The following P2RY8 variants were observed in gnomAD, a reference collection of about 807,000 sequenced individuals.
The protein encoded by P2RY8 is S-geranylgeranyl-glutathione receptor P2RY8.
In P2RY8, 6 loss-of-function variants were observed where a neutral mutation model predicts 10.0. That is an observed-to-expected ratio of 0.60 (90% CI 0.33 to 1.19). The LOEUF (loss-of-function observed/expected upper bound fraction) is 1.19, where lower values mean the gene tolerates loss of function less well. Ranked by LOEUF, P2RY8 falls within the 50% of genes most tolerant of loss-of-function variation. The pLI, the probability that P2RY8 is intolerant of heterozygous loss-of-function variation, is 0.04. For missense variants in P2RY8, 456 were observed against 542.0 expected (o/e 0.84, Z 1.58); for synonymous variants, 276 against 252.5 (o/e 1.09, Z -0.88).
intron 1 of P2RY8, among the ~76,000 whole-genome samples, chrX:1,472,367 G>T (rs2091798688): frequency 6.6e-6 from 1 of 150,824 alleles, no homozygotes; most frequent in South Asian, 2.1e-4. Flanking sequence ...TGAATAAATG[G>T]ATGGATGGGT....
intron 1 of P2RY8, among the ~76,000 whole-genome samples, chrX:1,525,964 TATTCACTCACCC>T: frequency 6.6e-6 from 1 of 151,606 alleles, no homozygotes; most frequent in East Asian, 2.0e-4. Context: ...ATACACCCAC[TATTCACTCACCC>T]ATTCATTTAT....
At chrX:1,506,802 C>T (rs1172811365) in intron 1 of P2RY8, among the ~76,000 whole-genome samples, 1 of 151,816 alleles carries the variant, frequency 6.6e-6, no homozygotes, top group East Asian at 1.9e-4. Flanking sequence ...CTCAGCCTCC[C>T]GAGTACCTGG....
At chrX:1,506,944 G>T (rs1453329957) in intron 1 of P2RY8, among the ~76,000 whole-genome samples, 3 of 152,040 alleles carry the variant, frequency 2.0e-5, no homozygotes, top group African/African-American at 7.2e-5. Flanking sequence ...CCAAAGTGCT[G>T]GGATGACAGG....
chrX:1,504,359 C>T (rs1343574849), intron 1 of P2RY8, among the ~76,000 whole-genome samples: 1 of 152,120 alleles, frequency 6.6e-6, no homozygotes, highest in East Asian at 1.9e-4. Flanking sequence ...TTCTTTGCCC[C>T]CCTTGAAGCT....
chrX:1,516,077 A>T (rs2092345905), intron 1 of P2RY8, among the ~76,000 whole-genome samples: 1 of 150,592 alleles, frequency 6.6e-6, no homozygotes, highest in Non-Finnish European at 1.5e-5. Context: ...GGCACCTGTA[A>T]TCCCACCTAC....
In P2RY8 at chrX:1,527,733, T is replaced by G. The variant is rs867366084; in HGVS notation, c.-25+9188A>C. The stretch of plus-strand genomic sequence containing the variant: ...TCCATCCATCCATCCATCCATCCAT[T>G]CATCCATTCATCCACTCTTCATTCA... On this transcript the variant is annotated intron_variant, in intron 1 of 1. Coordinates refer to ENST00000381297, the MANE Select transcript of P2RY8 (RefSeq NM_178129.5). Among the ~76,000 whole-genome samples the G allele has an allele frequency of 4.6e-5, 7 of 151,400 alleles. No homozygotes were observed. The South Asian group carries it at 1.5e-3, about 32-fold the overall frequency.
chrX:1,508,664 A>G (rs2092256719), intron 1 of P2RY8, among the ~76,000 whole-genome samples: 1 of 136,164 alleles, frequency 7.3e-6, no homozygotes, highest in African/African-American at 2.6e-5. Flanking sequence ...TCTATCCTGT[A>G]TGTATTTATC....
intron 1 of P2RY8, among the ~76,000 whole-genome samples, chrX:1,510,863 A>C (rs754559630): frequency 1.3e-5 from 2 of 150,930 alleles, no homozygotes; most frequent in African/African-American, 2.4e-5. Context: ...TGGGCAACAG[A>C]GTGTGACTCC....
chrX:1,528,517 G>A (rs779928789), intron 1 of P2RY8, among the ~76,000 whole-genome samples: 13 of 152,354 alleles, frequency 8.5e-5, no homozygotes, highest in South Asian at 2.1e-4. Context: ...CACTTTAAAC[G>A]TCCCAGGGAA....
At chrX:1,515,050 A>T (rs1360679327) in intron 1 of P2RY8, among the ~76,000 whole-genome samples, 6 of 149,860 alleles carry the variant, frequency 4.0e-5, no homozygotes, top group African/African-American at 1.5e-4. Context: ...CTGGGATTAC[A>T]GGCACCCACC....
chrX:1,536,169 T>C lies in P2RY8; in HGVS notation c.-25+752A>G, dbSNP rs142191443. 7.0e-3 allele frequency among the ~76,000 whole-genome samples: 1,071 copies of C among 152,148 alleles called. 13 individuals are homozygous for C. Among genetic ancestry groups the C allele is most frequent in the African/African-American group, 0.023 (944 of 41,536 alleles). On this transcript the variant is annotated intron_variant, in intron 1 of 1. Transcript: ENST00000381297. ...ATTGCAAACATTGAAAAAACTGCAA[T>C]CTCAGGCGTAAATGGGTTACGTGCA...
At chrX:1,479,153 CT>C in intron 1 of P2RY8, among the ~76,000 whole-genome samples, 1 of 152,340 alleles carries the variant, frequency 6.6e-6, no homozygotes, top group Non-Finnish European at 1.5e-5. Flanking sequence ...TCGTGTTTGT[CT>C]TTGGATCTTT....
chrX:1,509,751 G>GTATCTATGTATCTATCTATGTATCTA (rs1481742595), intron 1 of P2RY8, among the ~76,000 whole-genome samples: 3 of 78,300 alleles, frequency 3.8e-5, no homozygotes, highest in Admixed American at 1.1e-4. Flanking sequence ...GTATCTATCT[G>GTATCTATGTATCTATCTATGTATCTA]TCTATCTATC....
chrX:1,499,055 G>T (rs1312406095), intron 1 of P2RY8, among the ~76,000 whole-genome samples: 1 of 151,846 alleles, frequency 6.6e-6, no homozygotes, highest in African/African-American at 2.4e-5. Context: ...GGCTGATCTT[G>T]AACTCCTTAT....
chrX:1,505,960 T>C (rs2149400284), intron 1 of P2RY8, among the ~76,000 whole-genome samples: 1 of 151,800 alleles, frequency 6.6e-6, no homozygotes, highest in Non-Finnish European at 1.5e-5. Flanking sequence ...TTTTTTACAT[T>C]GAACAAAGCA....
At chrX:1,499,306 G>A (rs142065804) in intron 1 of P2RY8, among the ~76,000 whole-genome samples, 278 of 151,690 alleles carry the variant, frequency 1.8e-3, no homozygotes, top group African/African-American at 3.7e-3. Context: ...GGGATTACAC[G>A]AGGTGTGTGC....
chrX:1,510,552 G>A (rs1435669850), intron 1 of P2RY8, among the ~76,000 whole-genome samples: 2 of 152,106 alleles, frequency 1.3e-5, no homozygotes, highest in Non-Finnish European at 2.9e-5. Context: ...GGTTGACAGA[G>A]GCTGCACACT....
chrX:1,526,420 T>C (rs1381720378), intron 1 of P2RY8, among the ~76,000 whole-genome samples: 1 of 151,728 alleles, frequency 6.6e-6, no homozygotes, highest in African/African-American at 2.4e-5. Context: ...CATGCATCCA[T>C]TCATTCATTC....
chrX:1,531,671 C>T (rs34904987), intron 1 of P2RY8, among the ~76,000 whole-genome samples: 14,358 of 152,066 alleles, frequency 0.094, 886 homozygotes, highest in Non-Finnish European at 0.14. Context: ...ACCTTCTTGG[C>T]TAGAAAATCA....
Sources: allele counts gnomAD v4.1 joint callset (sites outside exome capture counted in the v4.1 genomes callset), GRCh38; gene constraint gnomAD v4.1.1; transcripts MANE v1.5; gene names NCBI Gene and HGNC (gene_info 2026-07-23, HGNC 2026-07-21).